PNPLA1: variants seen among roughly 807,000 people sequenced by gnomAD.
The protein encoded by PNPLA1 is patatin like domain 1, omega-hydroxyceramide transacylase, also known as omega-hydroxyceramide transacylase.
PNPLA1 carries 36 observed loss-of-function variants against 51.7 expected under a neutral mutation model. The observed-to-expected ratio is 0.70, with a 90% CI of 0.53 to 0.92. The LOEUF (loss-of-function observed/expected upper bound fraction) is 0.92, where lower values mean the gene tolerates loss of function less well. Among genes scored for constraint, PNPLA1 ranks in the 40% least tolerant of loss-of-function variants. The pLI, the probability that PNPLA1 is intolerant of heterozygous loss-of-function variation, is 0.00. For missense variants in PNPLA1, 658 were observed against 682.5 expected (o/e 0.96, Z 0.40); for synonymous variants, 293 against 280.1 (o/e 1.05, Z -0.46).
chr6:36,291,288 C>T (rs765059782), intron 1 of PNPLA1, 32 bp from the exon 2 acceptor site: 97 of 1,581,344 alleles, frequency 6.1e-5, no homozygotes, highest in African/African-American at 8.1e-5. Flanking sequence ...TGGGTGGCAC[C>T]GACCACCCCC....
At chr6:36,271,773 C>A (rs1268160539) in intron 1 of PNPLA1, among the ~76,000 whole-genome samples, 1 of 152,180 alleles carries the variant, frequency 6.6e-6, no homozygotes, top group African/African-American at 2.4e-5. Flanking sequence ...GGTCATGTGG[C>A]CTTAGCCACA....
intron 4 of PNPLA1, 76 bp from the exon 5 acceptor site, chr6:36,295,288 C>A: frequency 6.8e-7 from 1 of 1,472,446 alleles, no homozygotes; most frequent in Non-Finnish European, 9.5e-7. Flanking sequence ...ATGGGAGTAG[C>A]TGCCCTGGGT....
intron 1 of PNPLA1, 144 bp downstream of exon 1, chr6:36,270,808 G>A (rs1561853959): frequency 4.0e-6 from 4 of 991,548 alleles, no homozygotes; most frequent in Non-Finnish European, 4.4e-6. Context: ...GGTTGGAGTA[G>A]GATAGCGGCA....
At chr6:36,288,443 ATTTTT>A (rs34132369) in intron 1 of PNPLA1, among the ~76,000 whole-genome samples, 5 of 125,772 alleles carry the variant, frequency 4.0e-5, no homozygotes, top group South Asian at 2.6e-4. Flanking sequence ...AGGAGACCCT[ATTTTT>A]TTTTTTTTTT....
intron 7 of PNPLA1, among the ~76,000 whole-genome samples, chr6:36,307,245 T>G (rs1054695564): frequency 1.3e-5 from 2 of 152,208 alleles, no homozygotes; most frequent in African/African-American, 2.4e-5. Context: ...GCTTCCCACA[T>G]TAAGTATAAT....
Position 36,302,063 on chromosome 6 carries a change from G to T in PNPLA1, c.978G>T (p.Pro326=), listed in dbSNP as rs372538424. The part of the protein sequence containing the change: ...PKGDGRGSHG[P]PVSQPVQTLE... ...GGGATGGAAGGGGCAGCCATGGTCC[G>T]CCTGTGTCCCAACCTGTGCAGACAC... The change falls in exon 6 of 9, where the codon CCG becomes CCT. Residue 326 remains proline (P), a synonymous_variant. Transcript: ENST00000636260. 11 of 1,614,062 alleles carry T rather than the reference G, an allele frequency of 6.8e-6. No homozygotes were observed. In the African/African-American group the frequency reaches 9.3e-5, roughly 14 times the overall value.
chr6:36,304,208 C>T (rs1771161922), intron 6 of PNPLA1, among the ~76,000 whole-genome samples: 1 of 152,148 alleles, frequency 6.6e-6, no homozygotes, highest in African/African-American at 2.4e-5. Context: ...TCATGGTCCT[C>T]AGCCAAACTT....
intron 1 of PNPLA1, among the ~76,000 whole-genome samples, chr6:36,279,946 G>A (rs890885884): frequency 8.5e-5 from 13 of 152,230 alleles, no homozygotes; most frequent in African/African-American, 2.9e-4. Flanking sequence ...GGTGGCTCAC[G>A]CCTGTAATCC....
Position 36,293,094 on chromosome 6 carries a change from T to A in PNPLA1, c.472T>A (p.Cys158Ser). 1 of 1,614,080 alleles carries A rather than the reference T, an allele frequency of 6.2e-7. No homozygotes were observed. The highest frequency in any genetic ancestry group is 8.5e-7 in the Non-Finnish European group (1 of 1,179,982). ...CTGCAGCTGCTTCGTCCCGGTGTAC[T>A]GTGGCCTCATCCCCCCGACTTACCG... ...LYCSCFVPVY[C>S]GLIPPTYRGV... Residue 158 changes from cysteine (C) to serine (S), a missense_variant, in exon 3 of 9, where the codon TGT becomes AGT. Physicochemically the swap from Cys to Ser is moderately radical, Grantham distance 112. Coordinates refer to ENST00000636260, the MANE Select transcript of PNPLA1 (RefSeq NM_001374623.1).
rs780543408 is a variant in PNPLA1, at chr6:36,307,656, C to T, written c.1539C>T (p.Gly513=). ...AGAAGAACAAGCAAAAGACAAGTGG[C>T]ACCAGAAAAGGCTTCCCAAGACATT... is the stretch of plus-strand genomic sequence containing the variant. ...VFKKNKQKTS[G]TRKGFPRHSG... Residue 513 remains glycine, a synonymous_variant, in exon 8 of 9, where the codon GGC becomes GGT. Transcript: ENST00000636260. 3 of 1,613,944 alleles carry T rather than the reference C, an allele frequency of 1.9e-6. No homozygotes were observed. Among genetic ancestry groups the T allele is most frequent in the Non-Finnish European group, 1.7e-6 (2 of 1,179,986 alleles).
chr6:36,298,578 C>G (rs552143179), intron 5 of PNPLA1, among the ~76,000 whole-genome samples: 1 of 152,306 alleles, frequency 6.6e-6, no homozygotes, highest in Admixed American at 6.5e-5. Flanking sequence ...CCTCCTCCAG[C>G]CCCCAGCAAC....
chr6:36,249,949 T>C (rs1009055188), intron 1 of PNPLA1, among the ~76,000 whole-genome samples: 1 of 152,174 alleles, frequency 6.6e-6, no homozygotes, highest in African/African-American at 2.4e-5. Context: ...GTTATTGCAA[T>C]GATGAGGGTT....
intron 1 of PNPLA1, among the ~76,000 whole-genome samples, chr6:36,283,767 A>T (rs1770392393): frequency 6.6e-6 from 1 of 152,254 alleles, no homozygotes; most frequent in Non-Finnish European, 1.5e-5. Flanking sequence ...TTGCCTCATC[A>T]GACCTCAAGT....
rs771220861 is a variant in PNPLA1 at position 36,302,340 on chromosome 6, G to A, written c.1255G>A (p.Ala419Thr). The change falls in exon 6 of 9, where the codon GCA (alanine) becomes ACA (threonine). Residue 419 changes from alanine (A) to threonine (T), a missense_variant. Ala to Thr is a moderately conservative substitution (Grantham distance 58). Transcript: ENST00000636260. ...ACCAGCCAGATCCCTACACTCTCAG[G>A]CACCCACTTCACCCAGGCCATCCCT... ...GSPARSLHSQ[A>T]PTSPRPSLGP... 32 of 1,613,218 alleles carry A rather than the reference G, an allele frequency of 2.0e-5. No individual in the cohort carries two copies. The highest frequency in any genetic ancestry group is 2.6e-5 in the Non-Finnish European group (31 of 1,179,486).
chr6:36,261,271 A>G (rs1769641895), intron 1 of PNPLA1, among the ~76,000 whole-genome samples: 8 of 152,234 alleles, frequency 5.3e-5, no homozygotes, highest in Admixed American at 5.2e-4. Flanking sequence ...AATGACCATC[A>G]CTAATTCAAC....
In PNPLA1 at chr6:36,270,456, G is replaced by A. The variant is rs754776629; in HGVS notation, c.-4G>A. The A allele has an allele frequency of 1.9e-6, 3 of 1,551,024 alleles. No individual in the cohort carries two copies. Among genetic ancestry groups the A allele is most frequent in the African/African-American group, 2.7e-5 (2 of 73,062 alleles). ...CCTTCCGCAGAAAGTCAGAGGCCGA[G>A]GAGATGGAAGAACAGGTGTTCAAGG... On this transcript the variant is annotated 5_prime_UTR_variant, in exon 1 of 9. Coordinates refer to ENST00000636260, the MANE Select transcript of PNPLA1 (RefSeq NM_001374623.1).
intron 5 of PNPLA1, among the ~76,000 whole-genome samples, chr6:36,295,939 T>C (rs1770845845): frequency 6.6e-6 from 1 of 152,230 alleles, no homozygotes; most frequent in Non-Finnish European, 1.5e-5. Flanking sequence ...ATATTCTCTG[T>C]GCTTTATCAG....
chr6:36,287,105 C>A (rs145713140), intron 1 of PNPLA1, among the ~76,000 whole-genome samples: 2 of 152,304 alleles, frequency 1.3e-5, no homozygotes, highest in African/African-American at 4.8e-5. Flanking sequence ...CTGGGATGAT[C>A]TCGCCTTCAA....
chr6:36,304,619 T>C (rs1460317167), intron 6 of PNPLA1, among the ~76,000 whole-genome samples: 1 of 123,790 alleles, frequency 8.1e-6, no homozygotes, highest in African/African-American at 3.2e-5. Flanking sequence ...AGAGTGAGAC[T>C]CCGTCTCAGG....
Sources: gnomAD v4.1 joint callset for allele counts (sites outside exome capture counted in the v4.1 genomes callset) on GRCh38, gnomAD v4.1.1 for gene constraint, MANE v1.5 for transcripts, NCBI Gene and HGNC (gene_info 2026-07-23, HGNC 2026-07-21) for gene names.